The following ATL1 variants were observed in gnomAD, a reference collection of about 807,000 sequenced individuals.
ATL1 encodes the protein atlastin GTPase 1.
A neutral mutation model predicts 75.5 loss-of-function variants in ATL1; 31 were observed. The ratio of observed to expected loss-of-function variants is 0.41; its 90% confidence interval spans 0.31 to 0.55. The LOEUF is 0.55. Ranked by LOEUF, ATL1 falls within the 20% of genes least tolerant of loss-of-function variation. ATL1 has a pLI of 0.27. For synonymous variants in ATL1, 226 were observed against 233.3 expected (o/e 0.97, Z 0.28); for missense variants, 405 against 662.6 (o/e 0.61, Z 4.27).
Position 50,560,161 on chromosome 14 carries a change from G to A in ATL1, c.-105G>A. ...AACATCCTCAGAGTCTGAGCGAACT[G>A]CGCCCAGCGCGGGCACGGAGCCTCC... On this transcript the variant is annotated 5_prime_UTR_variant, in exon 1 of 14. Transcript: ENST00000358385. The A allele has an allele frequency of 7.2e-7, 1 of 1,387,810 alleles. No homozygotes were observed. Among genetic ancestry groups the A allele is most frequent in the Non-Finnish European group, 1.0e-6 (1 of 991,446 alleles). The allele number at this position is 1,387,810 out of a possible 1,614,324, so 86.0% of individuals were successfully genotyped here. A position where few individuals can be genotyped will look rare whatever the true frequency, so the allele number is the denominator to read the frequency against.
chr14:50,605,386 A>G (rs563263847), intron 6 of ATL1, among the ~76,000 whole-genome samples: 1 of 152,110 alleles, frequency 6.6e-6, no homozygotes, highest in East Asian at 1.9e-4. Context: ...CCCAAGCCCT[A>G]TGAAAAGTCA....
At chr14:50,607,232 C>T (rs2039323804) in intron 6 of ATL1, among the ~76,000 whole-genome samples, 1 of 151,904 alleles carries the variant, frequency 6.6e-6, no homozygotes, top group African/African-American at 2.4e-5. Context: ...TACAATGAGA[C>T]GTCCAGAATT....
chr14:50,550,164 G>A (rs2038683912), intron 1 of ATL1, among the ~76,000 whole-genome samples: 1 of 152,180 alleles, frequency 6.6e-6, no homozygotes, highest in Non-Finnish European at 1.5e-5. Flanking sequence ...CTGCTGGAGT[G>A]GTCATAGTGC....
chr14:50,619,281 G>C (rs981937003), intron 8 of ATL1, among the ~76,000 whole-genome samples: 2 of 152,022 alleles, frequency 1.3e-5, no homozygotes, highest in Admixed American at 1.3e-4. Context: ...GGATGGTGTC[G>C]ATCTCCTGAC....
chr14:50,568,869 T>C (rs1006703189), intron 1 of ATL1, among the ~76,000 whole-genome samples: 2 of 152,182 alleles, frequency 1.3e-5, no homozygotes, highest in Non-Finnish European at 2.9e-5. Context: ...GTGGTTACCA[T>C]GGAGATTACA....
At chr14:50,595,483 G>A in intron 5 of ATL1, 93 bp from the exon 6 acceptor site, 2 of 1,172,106 alleles carry the variant, frequency 1.7e-6, no homozygotes, top group South Asian at 1.3e-5. Flanking sequence ...GTAAATGAAA[G>A]AAAGCCAAGA....
chr14:50,539,041 G>A (rs1005276206), intron 1 of ATL1, among the ~76,000 whole-genome samples: 1 of 152,088 alleles, frequency 6.6e-6, no homozygotes, highest in Admixed American at 6.6e-5. Flanking sequence ...TTTCTTCCCA[G>A]AAACCCGATT....
intron 12 of ATL1, among the ~76,000 whole-genome samples, chr14:50,629,320 G>A (rs997112297): frequency 1.3e-5 from 2 of 152,232 alleles, no homozygotes; most frequent in Admixed American, 6.5e-5. Flanking sequence ...GGTGGCTCAC[G>A]CCTGTAATCT....
intron 1 of ATL1, among the ~76,000 whole-genome samples, chr14:50,584,103 C>G (rs779612767): frequency 1.3e-5 from 2 of 152,236 alleles, no homozygotes; most frequent in African/African-American, 2.4e-5. Flanking sequence ...GTCTGGGCAC[C>G]GTGGTTCATC....
chr14:50,586,289 C>A (rs1207946085), intron 1 of ATL1, among the ~76,000 whole-genome samples: 1 of 152,160 alleles, frequency 6.6e-6, no homozygotes, highest in African/African-American at 2.4e-5. Context: ...GCTTAAACAA[C>A]AAACATTTAT....
At chr14:50,543,099 C>G (rs2038586797) in intron 1 of ATL1, among the ~76,000 whole-genome samples, 1 of 152,218 alleles carries the variant, frequency 6.6e-6, no homozygotes. Context: ...AAGATCTGTT[C>G]TCCAGGTGTC....
At chr14:50,543,610 G>A (rs2038593036) in intron 1 of ATL1, among the ~76,000 whole-genome samples, 1 of 152,214 alleles carries the variant, frequency 6.6e-6, no homozygotes, top group Non-Finnish European at 1.5e-5. Context: ...TGATAGGATA[G>A]AGGAAAGTAT....
chr14:50,537,593 A>C (rs2038511126), intron 1 of ATL1, among the ~76,000 whole-genome samples: 1 of 152,242 alleles, frequency 6.6e-6, no homozygotes, highest in Admixed American at 6.5e-5. Flanking sequence ...CCATGAAAGC[A>C]GCCAGAGGGA....
At chr14:50,621,041 A>AT (rs1486959333) in intron 9 of ATL1, among the ~76,000 whole-genome samples, 6 of 152,210 alleles carry the variant, frequency 3.9e-5, no homozygotes, top group African/African-American at 7.2e-5. Flanking sequence ...CCCAGGGTCC[A>AT]TGGTCTATTC....
chr14:50,596,760 ATGAAAATAC>A (rs2039221432), intron 6 of ATL1, among the ~76,000 whole-genome samples: 1 of 152,256 alleles, frequency 6.6e-6, no homozygotes, highest in African/African-American at 2.4e-5. Context: ...TAATAGTTAT[ATGAAAATAC>A]TGCAAATTGA....
intron 1 of ATL1, among the ~76,000 whole-genome samples, chr14:50,566,149 C>T (rs941732938): frequency 6.6e-6 from 1 of 152,146 alleles, no homozygotes; most frequent in Non-Finnish European, 1.5e-5. Context: ...AGGTGCCCGC[C>T]ACCACACCCA....
chr14:50,536,724 G>A (rs562734610), intron 1 of ATL1, among the ~76,000 whole-genome samples: 18 of 152,330 alleles, frequency 1.2e-4, no homozygotes, highest in African/African-American at 4.1e-4. Context: ...CTTTTGTTAT[G>A]TTTTAGCAAA....
chr14:50,609,160 G>A (rs565399467), intron 6 of ATL1, among the ~76,000 whole-genome samples: 2 of 152,122 alleles, frequency 1.3e-5, no homozygotes, highest in South Asian at 4.1e-4. Context: ...AAAATCCAAG[G>A]AATATTGTTC....
At chr14:50,560,399 C>T (rs1375456659) in intron 1 of ATL1, 100 bp downstream of exon 1, 2 of 1,467,952 alleles carry the variant, frequency 1.4e-6, no homozygotes, top group Non-Finnish European at 1.9e-6. Context: ...TGCTAGGTGC[C>T]TGCGTCCACG....
Sources: gnomAD v4.1 joint callset for allele counts (sites outside exome capture counted in the v4.1 genomes callset) on GRCh38, gnomAD v4.1.1 for gene constraint, MANE v1.5 for transcripts, NCBI Gene and HGNC (gene_info 2026-07-23, HGNC 2026-07-21) for gene names.